The following ATXN8OS variants were observed in gnomAD, a reference collection of about 807,000 sequenced individuals.
ATXN8OS encodes ATXN8 opposite strand lncRNA, also known as ATXN8 opposite strand (non-protein coding).
chr13:70,120,456 G>A (rs1202408537), intron 2 of ATXN8OS, among the ~76,000 whole-genome samples: 1 of 152,072 alleles, frequency 6.6e-6, no homozygotes. Context: ...TTAGGAGGAG[G>A]CCATCAAATA....
At chr13:70,122,025 T>G (rs1227393359) in intron 2 of ATXN8OS, among the ~76,000 whole-genome samples, 2 of 152,104 alleles carry the variant, frequency 1.3e-5, no homozygotes, top group African/African-American at 4.8e-5. Flanking sequence ...TTTTTATTTG[T>G]GTCTTGCATT....
In ATXN8OS at chr13:70,122,757, G is replaced by A. The variant is rs1201724691; in HGVS notation, n.399-7027G>A. Among the ~76,000 whole-genome samples, 4 of 152,038 alleles carry A rather than the reference G, an allele frequency of 2.6e-5. No homozygotes were observed. The East Asian group carries it at 7.7e-4, about 29-fold the overall frequency. ...AAATTGAAATAAGGAAGGGTTCAAGGAAATGACTCAAAGGGAGAGATACAA... is the reference window on the plus strand; with the variant it reads ...AAATTGAAATAAGGAAGGGTTCAAGAAAATGACTCAAAGGGAGAGATACAA... On this transcript the variant is annotated intron_variant and non_coding_transcript_variant, in intron 2 of 4. Coordinates refer to ENST00000678624, the Ensembl canonical transcript of ATXN8OS.
chr13:70,126,941 T>C (rs554854040), intron 2 of ATXN8OS, among the ~76,000 whole-genome samples: 1 of 151,936 alleles, frequency 6.6e-6, no homozygotes, highest in South Asian at 2.1e-4. Flanking sequence ...TATGTACCTA[T>C]CTATATATAC....
intron 4 of ATXN8OS, among the ~76,000 whole-genome samples, chr13:70,150,085 A>G (rs1888842337): frequency 6.6e-6 from 1 of 152,138 alleles, no homozygotes; most frequent in Non-Finnish European, 1.5e-5. Context: ...GAACAGAGAA[A>G]AAGGGACACT....
intron 4 of ATXN8OS, among the ~76,000 whole-genome samples, chr13:70,161,611 A>G (rs1889009571): frequency 6.6e-6 from 1 of 152,088 alleles, no homozygotes; most frequent in Admixed American, 6.6e-5. Context: ...CAAAGTAGAT[A>G]TCATTGCCTA....
chr13:70,115,173 C>T (rs912651772), exon 2 of ATXN8OS: 25 of 398,182 alleles, frequency 6.3e-5, no homozygotes, highest in Admixed American at 2.6e-4. Flanking sequence ...GACCAATGCA[C>T]GAGAATTTGG....
At chr13:70,160,186 T>C (rs1368862005) in intron 4 of ATXN8OS, among the ~76,000 whole-genome samples, 1 of 152,152 alleles carries the variant, frequency 6.6e-6, no homozygotes, top group African/African-American at 2.4e-5. Flanking sequence ...GCACTCAGTC[T>C]GTTGACTTAT....
chr13:70,164,900 C>A (rs139059832), intron 4 of ATXN8OS, among the ~76,000 whole-genome samples: 380 of 151,794 alleles, frequency 2.5e-3, no homozygotes, highest in East Asian at 0.011. Flanking sequence ...AAAAATGTTG[C>A]ACAGAAAATA....
Position 70,168,030 on chromosome 13 carries a change from T to C in ATXN8OS, n.574-1723T>C, listed in dbSNP as rs1019445002. On this transcript the variant is annotated intron_variant and non_coding_transcript_variant, in intron 4 of 4. Coordinates refer to ENST00000678624, the Ensembl canonical transcript of ATXN8OS. ...CGTGAGCCACCGCGCCCGGCCAACA[T>C]ATGTGACTTCTAATGTGCCCACTTG... Among the ~76,000 whole-genome samples, 3 of 152,068 alleles carry C rather than the reference T, an allele frequency of 2.0e-5. 1 individual carries two copies. The highest frequency in any genetic ancestry group is 4.4e-5 in the Non-Finnish European group (3 of 67,988).
chr13:70,146,100 A>G (rs1266088265), intron 3 of ATXN8OS, among the ~76,000 whole-genome samples: 6 of 146,100 alleles, frequency 4.1e-5, no homozygotes, highest in South Asian at 2.3e-4. Context: ...AAAAGTGGGC[A>G]AAGGATATGA....
intron 3 of ATXN8OS, among the ~76,000 whole-genome samples, chr13:70,142,921 A>G (rs1454236441): frequency 6.6e-6 from 1 of 152,096 alleles, no homozygotes; most frequent in Non-Finnish European, 1.5e-5. Flanking sequence ...TAAAAATACA[A>G]AATTAGTCTG....
chr13:70,128,841 C>T (rs2137481429), intron 2 of ATXN8OS, among the ~76,000 whole-genome samples: 1 of 144,814 alleles, frequency 6.9e-6, no homozygotes, highest in Non-Finnish European at 1.5e-5. Flanking sequence ...ACAACAACAA[C>T]AACAAAATCC....
chr13:70,165,687 C>A lies in ATXN8OS; in HGVS notation n.574-4066C>A, dbSNP rs569866353. On this transcript the variant is annotated intron_variant and non_coding_transcript_variant, in intron 4 of 4. Coordinates refer to ENST00000678624, the Ensembl canonical transcript of ATXN8OS. ...ATTAAGGTCTATCCATAGCAGCAAT[C>A]ACTGATAGAGCTCAGGGAAGCAAAT... is the stretch of plus-strand genomic sequence containing the variant. 1.2e-3 allele frequency among the ~76,000 whole-genome samples: 180 copies of A among 152,060 alleles called. 1 individual carries two copies. The highest frequency in any genetic ancestry group is 3.7e-3 in the African/African-American group (154 of 41,526).
At chr13:70,147,866 A>G (rs1202770199) in intron 4 of ATXN8OS, among the ~76,000 whole-genome samples, 1 of 152,126 alleles carries the variant, frequency 6.6e-6, no homozygotes, top group African/African-American at 2.4e-5. Context: ...GATTTTATAC[A>G]TTTTATGGAG....
At position 70,156,502 on chromosome 13, in the gene ATXN8OS, A is replaced by G. The variant is rs1019155587; in HGVS notation, n.573+9074A>G. 7.2e-5 allele frequency among the ~76,000 whole-genome samples: 11 copies of G among 152,290 alleles called. No homozygotes were observed. The East Asian group carries it at 9.6e-4, about 13-fold the overall frequency. ...TTATATTTTATGATAATTTCTACAT[A>G]TAAAGAAAATAAGCTCCTAATGTAT... On this transcript the variant is annotated intron_variant and non_coding_transcript_variant, in intron 4 of 4. Transcript: ENST00000678624.
chr13:70,152,884 A>G (rs1407914064), intron 4 of ATXN8OS, among the ~76,000 whole-genome samples: 1 of 152,140 alleles, frequency 6.6e-6, no homozygotes, highest in Admixed American at 6.6e-5. Flanking sequence ...AGATTACTAG[A>G]TTACTAAGCA....
At chr13:70,169,417 C>T (rs1889117435) in intron 4 of ATXN8OS, among the ~76,000 whole-genome samples, 1 of 152,008 alleles carries the variant, frequency 6.6e-6, no homozygotes, top group Non-Finnish European at 1.5e-5. Context: ...CTGCCTCAGC[C>T]TCCCTAATAG....
At chr13:70,161,082 T>G (rs1285945707) in intron 4 of ATXN8OS, among the ~76,000 whole-genome samples, 1 of 151,584 alleles carries the variant, frequency 6.6e-6, no homozygotes, top group Non-Finnish European at 1.5e-5. Flanking sequence ...TTAATTATCT[T>G]AAAATCGGAT....
chr13:70,149,470 T>C (rs187218398), intron 4 of ATXN8OS, among the ~76,000 whole-genome samples: 44 of 152,276 alleles, frequency 2.9e-4, no homozygotes, highest in African/African-American at 9.4e-4. Context: ...AATTAATTCA[T>C]TGTAAACATA....
Sources: gnomAD v4.1 joint callset for allele counts (sites outside exome capture counted in the v4.1 genomes callset) on GRCh38, gnomAD v4.1.1 for gene constraint, MANE v1.5 for transcripts, NCBI Gene and HGNC (gene_info 2026-07-23, HGNC 2026-07-21) for gene names.